RNF217: variants seen among roughly 807,000 people sequenced by gnomAD.
RNF217 encodes the protein E3 ubiquitin-protein ligase RNF217.
In RNF217, 31 loss-of-function variants were observed where a neutral mutation model predicts 57.8. The ratio of observed to expected loss-of-function variants is 0.54; its 90% confidence interval spans 0.40 to 0.72. The LOEUF (loss-of-function observed/expected upper bound fraction) is 0.72, where lower values mean the gene tolerates loss of function less well. Among genes scored for constraint, RNF217 ranks in the 30% least tolerant of loss-of-function variants. The pLI, the probability that RNF217 is intolerant of heterozygous loss-of-function variation, is 0.00. For synonymous variants in RNF217, 313 were observed against 294.0 expected (o/e 1.06, Z -0.66); for missense variants, 696 against 708.3 (o/e 0.98, Z 0.20).
intron 1 of RNF217, among the ~76,000 whole-genome samples, chr6:124,975,084 G>A (rs1208480072): frequency 1.3e-5 from 2 of 152,154 alleles, no homozygotes. Flanking sequence ...TCTACTGTAA[G>A]ATTCAAAAGC....
At chr6:124,990,368 T>C (rs1384527375) in intron 1 of RNF217, among the ~76,000 whole-genome samples, 1 of 152,200 alleles carries the variant, frequency 6.6e-6, no homozygotes, top group Non-Finnish European at 1.5e-5. Flanking sequence ...CTCAGACAGT[T>C]TCATGGAACT....
At chr6:125,056,297 T>A (rs1398828411) in intron 2 of RNF217, among the ~76,000 whole-genome samples, 1 of 152,176 alleles carries the variant, frequency 6.6e-6, no homozygotes, top group African/African-American at 2.4e-5. Flanking sequence ...CTCATTTCCA[T>A]CATCTGTAAA....
intron 1 of RNF217, among the ~76,000 whole-genome samples, chr6:125,031,674 T>C (rs1786367162): frequency 6.6e-6 from 1 of 152,156 alleles, no homozygotes. Context: ...CTTGTTCATA[T>C]CACTATAAGC....
At chr6:124,984,375 T>C (rs1247716532) in intron 1 of RNF217, among the ~76,000 whole-genome samples, 2 of 151,832 alleles carry the variant, frequency 1.3e-5, no homozygotes, top group Non-Finnish European at 2.9e-5. Flanking sequence ...AGAGAAACCC[T>C]GTCTGTACAA....
chr6:124,975,022 A>T (rs1765795412), intron 1 of RNF217, among the ~76,000 whole-genome samples: 1 of 152,178 alleles, frequency 6.6e-6, no homozygotes, highest in Admixed American at 6.5e-5. Flanking sequence ...CATTCATGTG[A>T]ATGACTAATC....
intron 1 of RNF217, among the ~76,000 whole-genome samples, chr6:125,027,440 A>G (rs1786150203): frequency 6.6e-6 from 1 of 152,182 alleles, no homozygotes; most frequent in Non-Finnish European, 1.5e-5. Context: ...ATTTCACCTA[A>G]CAGAATAATC....
intron 1 of RNF217, among the ~76,000 whole-genome samples, chr6:125,021,362 A>C (rs777597074): frequency 2.7e-5 from 4 of 149,116 alleles, no homozygotes; most frequent in Non-Finnish European, 5.9e-5. Flanking sequence ...TACCTCCCGG[A>C]TTCAAGCAAT....
At chr6:124,975,864 TTTACTC>T (rs1302149037) in intron 1 of RNF217, among the ~76,000 whole-genome samples, 1 of 152,212 alleles carries the variant, frequency 6.6e-6, no homozygotes, top group Non-Finnish European at 1.5e-5. Context: ...TTTAACTAGT[TTTACTC>T]TTAACTTCAG....
intron 1 of RNF217, among the ~76,000 whole-genome samples, chr6:125,000,552 T>C (rs1784937845): frequency 6.6e-6 from 1 of 152,060 alleles, no homozygotes; most frequent in African/African-American, 2.4e-5. Flanking sequence ...TCCTTAAATA[T>C]TTATTATTTT....
intron 1 of RNF217, among the ~76,000 whole-genome samples, chr6:125,043,754 T>C (rs1308468832): frequency 6.6e-6 from 1 of 152,100 alleles, no homozygotes; most frequent in African/African-American, 2.4e-5. Flanking sequence ...CTATTGGGAC[T>C]GTGAGCAGAC....
rs543163399 is a variant in RNF217 at position 125,018,937 on chromosome 6, A to G, written c.883-26274A>G. 2.0e-5 allele frequency among the ~76,000 whole-genome samples: 3 copies of G among 152,290 alleles called. No individual in the cohort carries two copies. The South Asian group carries it at 6.2e-4, about 32-fold the overall frequency. ...GTCTCCCCGGACTCCATTTGGCCAC[A>G]TGTTCCAGCACTAACAGCTGGACAT... On this transcript the variant is annotated intron_variant, in intron 1 of 5. Coordinates refer to ENST00000521654, the MANE Select transcript of RNF217 (RefSeq NM_001286398.3).
intron 1 of RNF217, among the ~76,000 whole-genome samples, chr6:125,029,925 C>T (rs1308363641): frequency 2.0e-5 from 3 of 152,088 alleles, no homozygotes; most frequent in African/African-American, 4.8e-5. Context: ...CTTTGTTACT[C>T]CGTTTTCATG....
chr6:125,092,461 G>A lies in RNF217; in HGVS notation c.*9524G>A, dbSNP rs1219353514. ...AATTATGAAATCAGATTGCATGGAAGAATATAAAGACACTCACTCGGATGA... is the reference window on the plus strand; with the variant it reads ...AATTATGAAATCAGATTGCATGGAAAAATATAAAGACACTCACTCGGATGA... On this transcript the variant is annotated 3_prime_UTR_variant, in exon 6 of 6. Transcript: ENST00000521654. The A allele has an allele frequency of 1.3e-5, 2 of 152,102 alleles. No homozygotes were observed. Among genetic ancestry groups the A allele is most frequent in the Non-Finnish European group, 2.9e-5 (2 of 68,018 alleles). 9.4% of individuals were successfully genotyped at this position (152,102 alleles called of 1,614,324 possible).
At position 125,086,191 on chromosome 6, in the gene RNF217, G is replaced by T. The variant is rs1023009816; in HGVS notation, c.*3254G>T. The T allele has an allele frequency of 2.0e-5, 3 of 151,700 alleles. No homozygotes were observed. The highest frequency in any genetic ancestry group is 7.3e-5 in the African/African-American group (3 of 41,360). The allele number at this position is 151,700 out of a possible 1,614,324, so 9.4% of individuals were successfully genotyped here. A position where few individuals can be genotyped will look rare whatever the true frequency, so the allele number is the denominator to read the frequency against. On this transcript the variant is annotated 3_prime_UTR_variant, in exon 6 of 6. Transcript: ENST00000521654. ...AGAGATAATATGAGACCCTTTTTTGGATAAAAAGAAAGATTGTACAGGAGT... is the reference window on the plus strand; with the variant it reads ...AGAGATAATATGAGACCCTTTTTTGTATAAAAAGAAAGATTGTACAGGAGT...
chr6:124,984,372 C>T (rs1282671088), intron 1 of RNF217, among the ~76,000 whole-genome samples: 1 of 151,710 alleles, frequency 6.6e-6, no homozygotes, highest in Non-Finnish European at 1.5e-5. Flanking sequence ...CATAGAGAAA[C>T]CCTGTCTGTA....
At position 124,962,933 on chromosome 6, in the gene RNF217, G is replaced by T. The variant is rs1783351688; in HGVS notation, c.389G>T (p.Gly130Val). Reference sequence around the variant, plus strand: ...GATGAACAGCAGGAGGCGCCCCCCGGCGAAGAGCTGGAGCCCAGGACCCGC... The same window carrying T: ...GATGAACAGCAGGAGGCGCCCCCCGTCGAAGAGCTGGAGCCCAGGACCCGC... ...GGDEQQEAPP[G>V]EELEPRTRVG... Residue 130 changes from glycine to valine, a missense_variant, in exon 1 of 6, where the codon GGC becomes GTC. Gly to Val is a moderately radical substitution (Grantham distance 109). Around this residue, in one of 2 missense-constraint regions of RNF217, gnomAD observed 465 missense variants for 386.8 expected, o/e 1.20. Transcript: ENST00000521654. The surrounding 1 kb of genome is among the most constrained non-coding windows in gnomAD (Gnocchi z 4.6). 2 of 1,597,982 alleles carry T rather than the reference G, an allele frequency of 1.3e-6. No individual in the cohort carries two copies. Among genetic ancestry groups the T allele is most frequent in the East Asian group, 4.5e-5 (2 of 44,828 alleles).
At chr6:125,002,912 A>G (rs2114295866) in intron 1 of RNF217, among the ~76,000 whole-genome samples, 1 of 152,332 alleles carries the variant, frequency 6.6e-6, no homozygotes, top group Middle Eastern at 3.4e-3. Flanking sequence ...CTACAGCATA[A>G]GGCAATTATA....
rs147240116 is a variant in RNF217, at chr6:125,000,773, G to A, written c.882+37347G>A. On this transcript the variant is annotated intron_variant, in intron 1 of 5. Coordinates refer to ENST00000521654, the MANE Select transcript of RNF217 (RefSeq NM_001286398.3). ...TCAACTAAGTTCATAGTCTAGCAGT[G>A]TGCCGTATTACTGGAAGGGGTAGTC... Among the ~76,000 whole-genome samples, 224 of 152,156 alleles carry A rather than the reference G, an allele frequency of 1.5e-3. 1 individual carries two copies. Among genetic ancestry groups the A allele is most frequent in the African/African-American group, 5.1e-3 (213 of 41,530 alleles).
chr6:124,984,246 A>G (rs1002756415), intron 1 of RNF217, among the ~76,000 whole-genome samples: 1 of 152,132 alleles, frequency 6.6e-6, no homozygotes, highest in Non-Finnish European at 1.5e-5. Context: ...TGGTTGTGCT[A>G]TAGTCAATAA....
Sources: gnomAD v4.1 joint callset for allele counts (sites outside exome capture counted in the v4.1 genomes callset) on GRCh38, gnomAD v4.1.1 for gene constraint, gnomAD v4.1.1 regional missense constraint, Gnocchi (gnomAD v3.1) non-coding constraint, MANE v1.5 for transcripts, NCBI Gene and HGNC (gene_info 2026-07-23, HGNC 2026-07-21) for gene names.